PCDHGA3: variants seen among roughly 807,000 people sequenced by gnomAD.
The protein encoded by PCDHGA3 is protocadherin gamma subfamily A, 3.
A neutral mutation model predicts 58.5 loss-of-function variants in PCDHGA3; 40 were observed. The ratio of observed to expected loss-of-function variants is 0.68; its 90% confidence interval spans 0.53 to 0.89. PCDHGA3 has a LOEUF of 0.89. Ranked by LOEUF, PCDHGA3 falls within the 40% of genes least tolerant of loss-of-function variation. PCDHGA3 has a pLI of 0.00. For missense variants in PCDHGA3, 1,223 were observed against 1,195.9 expected (o/e 1.02, Z -0.33); for synonymous variants, 530 against 525.7 (o/e 1.01, Z -0.11).
At chr5:141,445,178 A>G (rs768321514) in intron 1 of PCDHGA3, among the ~76,000 whole-genome samples, 2 of 152,218 alleles carry the variant, frequency 1.3e-5, no homozygotes, top group Admixed American at 1.3e-4. Context: ...ATGAAAAACT[A>G]TGTTTTTATG....
intron 1 of PCDHGA3, among the ~76,000 whole-genome samples, chr5:141,386,454 C>T (rs1377987276): frequency 6.6e-6 from 1 of 152,064 alleles, no homozygotes; most frequent in South Asian, 2.1e-4. Flanking sequence ...GGCAAGAGGA[C>T]AGCTTGAACC....
At chr5:141,359,042 CTG>C (rs1761096512) in intron 1 of PCDHGA3, among the ~76,000 whole-genome samples, 1 of 152,190 alleles carries the variant, frequency 6.6e-6, no homozygotes, top group Admixed American at 6.5e-5. Flanking sequence ...TAGTGATAGA[CTG>C]TGGAATATGC....
intron 1 of PCDHGA3, chr5:141,419,135 G>A (rs2096331504): frequency 3.1e-6 from 5 of 1,613,910 alleles, no homozygotes; most frequent in Non-Finnish European, 4.2e-6. Flanking sequence ...CGCAGCCACA[G>A]ACAGGGGCAA....
chr5:141,419,415 C>A, intron 1 of PCDHGA3: 2 of 1,613,434 alleles, frequency 1.2e-6, no homozygotes, highest in Non-Finnish European at 1.7e-6. Flanking sequence ...GCGCAGCGCG[C>A]CTTCGACCAC....
At chr5:141,423,754 GGGGGGGT>G in intron 1 of PCDHGA3, 1 of 577,826 alleles carries the variant, frequency 1.7e-6, no homozygotes, top group Non-Finnish European at 2.2e-6. Flanking sequence ...ACTGTTTGGG[GGGGGGGT>G]GGGGCGGCAT....
intron 1 of PCDHGA3, chr5:141,362,736 AC>A: frequency 1.3e-6 from 1 of 764,592 alleles, no homozygotes; most frequent in Non-Finnish European, 2.0e-6. Flanking sequence ...AGATTTATTT[AC>A]CCATGATTGC....
At chr5:141,405,938 G>A (rs1249578216) in intron 1 of PCDHGA3, among the ~76,000 whole-genome samples, 2 of 152,114 alleles carry the variant, frequency 1.3e-5, no homozygotes, top group Non-Finnish European at 2.9e-5. Flanking sequence ...TAACTTTCAT[G>A]TTCTCATAAT....
intron 1 of PCDHGA3, chr5:141,419,381 A>T (rs1170271990): frequency 6.2e-7 from 1 of 1,613,544 alleles, no homozygotes; most frequent in Admixed American, 1.7e-5. Flanking sequence ...CGTGTCCGTG[A>T]GCGCGCAGAG....
At chr5:141,502,815 TTTCC>T in intron 2 of PCDHGA3, among the ~76,000 whole-genome samples, 1 of 151,372 alleles carries the variant, frequency 6.6e-6, no homozygotes, top group East Asian at 1.9e-4. Context: ...TTCACTGTCT[TTTCC>T]TTGGGGAAGC....
chr5:141,350,064 A>G, intron 1 of PCDHGA3: 1 of 414,630 alleles, frequency 2.4e-6, no homozygotes, highest in Non-Finnish European at 4.2e-6. Flanking sequence ...AAGGAAGTGA[A>G]GGCTTCTCAA....
Position 141,458,007 on chromosome 5 carries a change from C to T in PCDHGA3, c.2425-36800C>T, listed in dbSNP as rs142050242. Among the ~76,000 whole-genome samples the T allele has an allele frequency of 1.3e-3, 200 of 152,274 alleles. 1 individual carries two copies. The East Asian group carries it at 0.032, about 24-fold the overall frequency. ...TCAGTTAAAGCCTTGGCAAAATAAC[C>T]GGTTTTTCCAATTGTGTTCTGTTGA... On this transcript the variant is annotated intron_variant, in intron 1 of 3. Transcript: ENST00000253812.
intron 1 of PCDHGA3, chr5:141,393,118 G>A: frequency 3.7e-6 from 6 of 1,613,472 alleles, no homozygotes; most frequent in Non-Finnish European, 5.1e-6. Flanking sequence ...AGCCCGCGGT[G>A]TCTGATAAAT....
At chr5:141,363,876 G>T (rs566342740) in intron 1 of PCDHGA3, among the ~76,000 whole-genome samples, 1 of 152,224 alleles carries the variant, frequency 6.6e-6, no homozygotes, top group Admixed American at 6.5e-5. Flanking sequence ...GGTAAATAAA[G>T]GACATAGGCT....
chr5:141,403,925 G>A, intron 1 of PCDHGA3: 1 of 1,613,868 alleles, frequency 6.2e-7, no homozygotes, highest in South Asian at 1.1e-5. Flanking sequence ...TGAAGATGGT[G>A]GGGGATTGAA....
chr5:141,475,388 G>C (rs1230010845), intron 1 of PCDHGA3, among the ~76,000 whole-genome samples: 8 of 152,170 alleles, frequency 5.3e-5, no homozygotes, highest in Non-Finnish European at 1.0e-4. Flanking sequence ...AATTTTATAA[G>C]CCAGAGTTAA....
chr5:141,393,573 A>G lies in PCDHGA3; in HGVS notation c.2424+47116A>G, dbSNP rs568065764. 1.2e-4 allele frequency: 190 copies of G among 1,613,964 alleles called. 1 individual carries two copies. In the South Asian group the frequency reaches 2.0e-3, roughly 17 times the overall value. ...GATTTACCGAGTGAAAGTCCTTGAGAACATGCCCCCAGGCACGCGGCTGCT... is the reference window on the plus strand; with the variant it reads ...GATTTACCGAGTGAAAGTCCTTGAGGACATGCCCCCAGGCACGCGGCTGCT... On this transcript the variant is annotated intron_variant, in intron 1 of 3. Coordinates refer to ENST00000253812, the MANE Select transcript of PCDHGA3 (RefSeq NM_018916.4).
At chr5:141,410,078 G>A (rs1258292051) in intron 1 of PCDHGA3, 1 of 1,612,820 alleles carries the variant, frequency 6.2e-7, no homozygotes, top group Non-Finnish European at 8.5e-7. Flanking sequence ...CACTGGGGAG[G>A]TGCGCACGGC....
At chr5:141,404,672 G>T in intron 1 of PCDHGA3, 1 of 1,614,156 alleles carries the variant, frequency 6.2e-7, no homozygotes, top group Non-Finnish European at 8.5e-7. Flanking sequence ...TGGTTCTACT[G>T]GTGTGGAGCT....
At chr5:141,413,385 A>G (rs1328460811) in intron 1 of PCDHGA3, 23 of 1,613,870 alleles carry the variant, frequency 1.4e-5, no homozygotes, top group Non-Finnish European at 1.8e-5. Flanking sequence ...GAGTCCGCAT[A>G]GTCTCCAGAG....
Sources: allele counts gnomAD v4.1 joint callset (sites outside exome capture counted in the v4.1 genomes callset), GRCh38; gene constraint gnomAD v4.1.1; transcripts MANE v1.5; gene names NCBI Gene and HGNC (gene_info 2026-07-23, HGNC 2026-07-21).